The following C1orf198 variants were observed in gnomAD, a reference collection of about 807,000 sequenced individuals.
C1orf198 encodes uncharacterized protein C1orf198.
Under a neutral mutation model 31.4 loss-of-function variants are expected in C1orf198, and 17 were observed. That is an observed-to-expected ratio of 0.54 (90% CI 0.37 to 0.81). C1orf198 has a LOEUF of 0.81. Among genes scored for constraint, C1orf198 ranks in the 40% least tolerant of loss-of-function variants. The probability of loss-of-function intolerance (pLI) is 0.00; values close to 1 mark genes in which losing one functional copy is unlikely to be tolerated. For synonymous variants in C1orf198, 175 were observed against 193.8 expected (o/e 0.90, Z 0.81); for missense variants, 401 against 450.3 (o/e 0.89, Z 0.99).
intron 2 of C1orf198, 122 bp from the exon 3 acceptor site, chr1:230,844,018 G>T: frequency 9.7e-7 from 1 of 1,034,394 alleles, no homozygotes; most frequent in Non-Finnish European, 1.4e-6. Flanking sequence ...CACACGAGTT[G>T]TTGCCCATGT....
intron 1 of C1orf198, among the ~76,000 whole-genome samples, chr1:230,862,826 C>T (rs912006743): frequency 1.3e-5 from 2 of 152,198 alleles, no homozygotes; most frequent in Non-Finnish European, 2.9e-5. Flanking sequence ...ATACAGTGGA[C>T]AACCCAAGAG....
At chr1:230,856,055 T>C (rs890430894) in intron 1 of C1orf198, 12 of 984,604 alleles carry the variant, frequency 1.2e-5, no homozygotes, top group Non-Finnish European at 1.5e-5. Context: ...GACTCAGCCC[T>C]GAACAATGAT....
intron 2 of C1orf198, among the ~76,000 whole-genome samples, chr1:230,850,625 G>A (rs538160877): frequency 1.3e-5 from 2 of 152,076 alleles, no homozygotes; most frequent in Non-Finnish European, 2.9e-5. Context: ...GCCAAGAGCA[G>A]GGGCACACAG....
rs1316510256 is a variant in C1orf198 at position 230,840,202 on chromosome 1, C to A, written c.928-294G>T. ...AATGTCTCTGTATTTTTCTATAAAT[C>A]TTTTCTGTTTCTGAATGACAGCCAT... On this transcript the variant is annotated intron_variant, in intron 3 of 3. Transcript: ENST00000366663. The surrounding 1 kb of genome is among the most constrained non-coding windows in gnomAD (Gnocchi z 4.0). Among the ~76,000 whole-genome samples the A allele has an allele frequency of 6.6e-6, 1 of 152,156 alleles. No individual in the cohort carries two copies. The highest frequency in any genetic ancestry group is 2.4e-5 in the African/African-American group (1 of 41,428).
intron 2 of C1orf198, among the ~76,000 whole-genome samples, chr1:230,849,264 G>C (rs1669670943): frequency 6.6e-6 from 1 of 152,230 alleles, no homozygotes. Context: ...CCACGGCACT[G>C]AGCAACAGGG....
intron 3 of C1orf198, among the ~76,000 whole-genome samples, chr1:230,841,018 G>A (rs558883976): frequency 1.3e-5 from 2 of 152,306 alleles, no homozygotes; most frequent in South Asian, 2.1e-4. Context: ...ACAGAAACAC[G>A]TTCCTGCTTC....
chr1:230,865,263 C>T (rs1429793975), intron 1 of C1orf198, among the ~76,000 whole-genome samples: 2 of 152,180 alleles, frequency 1.3e-5, no homozygotes, highest in South Asian at 4.1e-4. Context: ...TCCACCGGCT[C>T]CTCTCCTTTT....
intron 2 of C1orf198, among the ~76,000 whole-genome samples, chr1:230,846,947 C>T (rs11803832): frequency 0.072 from 10,778 of 150,730 alleles, 1,140 homozygotes; most frequent in African/African-American, 0.25. Flanking sequence ...ACTAAAAATA[C>T]AAAAAATTAG....
At chr1:230,845,216 TAAA>T (rs11355270) in intron 2 of C1orf198, among the ~76,000 whole-genome samples, 3 of 117,072 alleles carry the variant, frequency 2.6e-5, no homozygotes, top group Non-Finnish European at 3.4e-5. Context: ...TTAAAAAAAT[TAAA>T]AAAAAAAAAA....
intron 3 of C1orf198, among the ~76,000 whole-genome samples, chr1:230,842,474 A>G (rs1669466358): frequency 6.6e-6 from 1 of 152,196 alleles, no homozygotes; most frequent in Non-Finnish European, 1.5e-5. Flanking sequence ...TATTATTCTA[A>G]GTGAAGTAAC....
Position 230,857,881 on chromosome 1 carries a change from C to A in C1orf198, c.334-2163G>T, listed in dbSNP as rs1001125140. Reference sequence around the variant, plus strand: ...AGTGTGTGCAACTAATGACCATGTGCACAGTAAGATGACCCCCATCCTCAG... The same window carrying A: ...AGTGTGTGCAACTAATGACCATGTGAACAGTAAGATGACCCCCATCCTCAG... On this transcript the variant is annotated intron_variant, in intron 1 of 3. Transcript: ENST00000366663. The surrounding 1 kb of genome is among the most constrained non-coding windows in gnomAD (Gnocchi z 4.2). Among the ~76,000 whole-genome samples, 2 of 152,202 alleles carry A rather than the reference C, an allele frequency of 1.3e-5. No homozygotes were observed. The highest frequency in any genetic ancestry group is 2.4e-5 in the African/African-American group (1 of 41,450).
rs1669561917 is a variant in C1orf198, at chr1:230,845,448, C to T, written c.385-1552G>A. 1.3e-5 allele frequency among the ~76,000 whole-genome samples: 2 copies of T among 151,686 alleles called. 1 individual carries two copies. Among genetic ancestry groups the T allele is most frequent in the South Asian group, 4.2e-4 (2 of 4,790 alleles). Reference sequence around the variant, plus strand: ...CCTGTAATCCCAGCATTTTGGGAGGCGAGGCAGGCGGATCATCTGAGGTCA... The same window carrying T: ...CCTGTAATCCCAGCATTTTGGGAGGTGAGGCAGGCGGATCATCTGAGGTCA... On this transcript the variant is annotated intron_variant, in intron 2 of 3. Transcript: ENST00000366663.
At position 230,855,649 on chromosome 1, in the gene C1orf198, T is replaced by C. The variant is rs755546620; in HGVS notation, c.384+19A>G. ...TTCTTTTTAAAAGAACAAATAGATC[T>C]AAATTTAATCCAACTTACCTTTGTT... On this transcript the variant is annotated intron_variant, in intron 2 of 3. Transcript: ENST00000366663. The C allele has an allele frequency of 4.3e-6, 7 of 1,610,536 alleles. No homozygotes were observed. The highest frequency in any genetic ancestry group is 5.9e-6 in the Non-Finnish European group (7 of 1,177,900).
intron 1 of C1orf198, among the ~76,000 whole-genome samples, chr1:230,863,575 T>C (rs1274508150): frequency 3.3e-5 from 5 of 152,204 alleles, no homozygotes; most frequent in Non-Finnish European, 7.3e-5. Flanking sequence ...CTAAACCTGT[T>C]CCCTGGCTGC....
rs575043693 is a variant in C1orf198, at chr1:230,857,830, C to T, written c.334-2112G>A. On this transcript the variant is annotated intron_variant, in intron 1 of 3. Coordinates refer to ENST00000366663, the MANE Select transcript of C1orf198 (RefSeq NM_032800.3). The surrounding 1 kb of genome is among the most constrained non-coding windows in gnomAD (Gnocchi z 4.2). The stretch of plus-strand genomic sequence containing the variant: ...TGGGTTAAGCTGCATTAAAGTGTAT[C>T]AAACAGTCAGTTCTGAGAACCACAT... Among the ~76,000 whole-genome samples the T allele has an allele frequency of 2.1e-4, 32 of 152,240 alleles. No homozygotes were observed. The highest frequency in any genetic ancestry group is 7.8e-4 in the Admixed American group (12 of 15,306).
At chr1:230,855,795 G>A in intron 1 of C1orf198, 77 bp from the exon 2 acceptor site, 3 of 1,557,490 alleles carry the variant, frequency 1.9e-6, no homozygotes, top group Admixed American at 1.9e-5. Context: ...CAGGACCGTG[G>A]GGGAACCAAA....
intron 1 of C1orf198, among the ~76,000 whole-genome samples, chr1:230,864,319 G>A (rs1343730179): frequency 6.6e-6 from 1 of 152,204 alleles, no homozygotes; most frequent in Non-Finnish European, 1.5e-5. Flanking sequence ...CAGAGCGGGT[G>A]TAGCAGCTCA....
intron 1 of C1orf198, among the ~76,000 whole-genome samples, chr1:230,860,572 C>G (rs1237923428): frequency 2.0e-5 from 3 of 152,074 alleles, no homozygotes; most frequent in African/African-American, 7.2e-5. Context: ...CATGGATGAA[C>G]CTTGAAGACA....
At chr1:230,863,548 G>A (rs1670045823) in intron 1 of C1orf198, among the ~76,000 whole-genome samples, 1 of 152,224 alleles carries the variant, frequency 6.6e-6, no homozygotes, top group Non-Finnish European at 1.5e-5. Flanking sequence ...CTGTGACCAA[G>A]TCACTTCATT....
Sources: gnomAD v4.1 joint callset for allele counts (sites outside exome capture counted in the v4.1 genomes callset) on GRCh38, gnomAD v4.1.1 for gene constraint, Gnocchi (gnomAD v3.1) non-coding constraint, MANE v1.5 for transcripts, NCBI Gene and HGNC (gene_info 2026-07-23, HGNC 2026-07-21) for gene names.